Variants in PAPPA observed in about 807,000 individuals in gnomAD.
PAPPA encodes the protein pappalysin 1, also known as pappalysin-1.
A neutral mutation model predicts 164.0 loss-of-function variants in PAPPA; 60 were observed. The ratio of observed to expected loss-of-function variants is 0.37; its 90% CI spans 0.30 to 0.45. The LOEUF (loss-of-function observed/expected upper bound fraction) is 0.45. Among genes scored for constraint, PAPPA ranks in the 20% least tolerant of loss-of-function variants. The pLI is 1.00. For missense variants in PAPPA, 1,782 were observed against 2,087.3 expected (o/e 0.85, Z 2.85); for synonymous variants, 875 against 814.1 (o/e 1.07, Z -1.27).
At chr9:116,381,330 C>A (rs1410394994) in intron 20 of PAPPA, among the ~76,000 whole-genome samples, 1 of 152,176 alleles carries the variant, frequency 6.6e-6, no homozygotes, top group Non-Finnish European at 1.5e-5. Context: ...TTATTAAGAG[C>A]CAAAGTTGTG....
intron 2 of PAPPA, among the ~76,000 whole-genome samples, chr9:116,202,377 A>C (rs1488754229): frequency 2.0e-5 from 3 of 152,168 alleles, no homozygotes; most frequent in Non-Finnish European, 4.4e-5. Context: ...GAGATGCATA[A>C]AGAAAATATT....
intron 7 of PAPPA, among the ~76,000 whole-genome samples, chr9:116,237,066 T>C (rs1309319928): frequency 2.0e-5 from 3 of 152,236 alleles, no homozygotes; most frequent in Admixed American, 2.0e-4. Flanking sequence ...CTCTGCTCTG[T>C]CTACTTGAAA....
intron 21 of PAPPA, among the ~76,000 whole-genome samples, chr9:116,387,287 G>C (rs113719230): frequency 1.7e-4 from 26 of 152,300 alleles, no homozygotes; most frequent in African/African-American, 6.0e-4. Flanking sequence ...TTGGGATTTA[G>C]GATTTCCTAA....
chr9:116,349,051 A>G (rs1164209089), intron 15 of PAPPA, among the ~76,000 whole-genome samples: 1 of 151,858 alleles, frequency 6.6e-6, no homozygotes, highest in Non-Finnish European at 1.5e-5. Context: ...CCTCTCCTCT[A>G]TTTGTACCTC....
At chr9:116,345,515 T>C (rs1391093607) in intron 14 of PAPPA, among the ~76,000 whole-genome samples, 1 of 151,980 alleles carries the variant, frequency 6.6e-6, no homozygotes, top group Non-Finnish European at 1.5e-5. Context: ...GCAATGAGGC[T>C]GGAAGGGCCA....
intron 20 of PAPPA, among the ~76,000 whole-genome samples, chr9:116,379,749 A>G (rs1232453296): frequency 1.3e-5 from 2 of 152,192 alleles, no homozygotes; most frequent in African/African-American, 4.8e-5. Flanking sequence ...GCTATCACAA[A>G]ATCAAATACA....
At chr9:116,257,424 G>C in intron 7 of PAPPA, among the ~76,000 whole-genome samples, 1 of 151,972 alleles carries the variant, frequency 6.6e-6, no homozygotes, top group East Asian at 1.9e-4. Flanking sequence ...CAAAAGGCTG[G>C]GCACGGTGGC....
rs74408675 is a variant in PAPPA, at chr9:116,271,135, G to A, written c.2862-190G>A. Among the ~76,000 whole-genome samples the A allele has an allele frequency of 3.3e-5, 5 of 152,326 alleles. No individual in the cohort carries two copies. Among genetic ancestry groups the A allele is most frequent in the Middle Eastern group, 3.4e-3 (1 of 294 alleles). ...ATCAGAAACACAAAGCAAGGCAAAT[G>A]TGAAAGTATCTTATAAATCCATACC... is the stretch of plus-strand genomic sequence containing the variant. On this transcript the variant is annotated intron_variant, in intron 8 of 21. Transcript: ENST00000328252. This position sits in a 1 kb window ranked among gnomAD's most constrained non-coding sequence, Gnocchi z 4.2.
chr9:116,312,019 G>T (rs942815275), intron 10 of PAPPA, among the ~76,000 whole-genome samples: 1 of 152,198 alleles, frequency 6.6e-6, no homozygotes, highest in Non-Finnish European at 1.5e-5. Context: ...AATAAGCAAG[G>T]CTTTGTGGTT....
At chr9:116,358,460 A>G (rs998909005) in intron 17 of PAPPA, among the ~76,000 whole-genome samples, 22 of 152,238 alleles carry the variant, frequency 1.4e-4, no homozygotes, top group African/African-American at 5.3e-4. Flanking sequence ...GCTTCATTTA[A>G]GCCCCATGGC....
chr9:116,227,355 T>C, intron 5 of PAPPA, 76 bp from the exon 6 acceptor site: 1 of 1,510,774 alleles, frequency 6.6e-7, no homozygotes, highest in Non-Finnish European at 9.1e-7. Context: ...CCCCATTGAC[T>C]CTGGCCTAGT....
intron 1 of PAPPA, among the ~76,000 whole-genome samples, chr9:116,169,203 C>G (rs1843747074): frequency 6.6e-6 from 1 of 151,170 alleles, no homozygotes; most frequent in Admixed American, 6.6e-5. Context: ...TGCTTATCAT[C>G]TTTCCCTATC....
At chr9:116,301,091 C>T (rs1845574629) in intron 9 of PAPPA, among the ~76,000 whole-genome samples, 2 of 151,980 alleles carry the variant, frequency 1.3e-5, no homozygotes, top group African/African-American at 2.4e-5. Flanking sequence ...TCAGTGCCCT[C>T]TCCAGAGCTC....
chr9:116,295,825 C>T (rs1845499182), intron 9 of PAPPA, among the ~76,000 whole-genome samples: 1 of 152,188 alleles, frequency 6.6e-6, no homozygotes, highest in Non-Finnish European at 1.5e-5. Context: ...GAAGCCTTCT[C>T]TCATTTTCCC....
intron 15 of PAPPA, among the ~76,000 whole-genome samples, chr9:116,350,457 A>G (rs146014536): frequency 6.6e-5 from 10 of 152,290 alleles, no homozygotes; most frequent in Middle Eastern, 3.4e-3. Flanking sequence ...GCTGTGGTGC[A>G]CTGCTAACTT....
At position 116,402,004 on chromosome 9, in the gene PAPPA, T is replaced by G. The variant is rs1847064626; in HGVS notation, c.*5388T>G. 1 of 152,494 alleles carries G rather than the reference T, an allele frequency of 6.6e-6. No individual in the cohort carries two copies. Among genetic ancestry groups the G allele is most frequent in the Admixed American group, 6.6e-5 (1 of 15,260 alleles). 9.4% of individuals were successfully genotyped at this position (152,494 alleles called of 1,614,324 possible). On this transcript the variant is annotated 3_prime_UTR_variant, in exon 22 of 22. Coordinates refer to ENST00000328252, the MANE Select transcript of PAPPA (RefSeq NM_002581.5). Reference sequence around the variant, plus strand: ...TTTATGTGTTTTTATGGATCTAAGTTAAATCTTTTGGCAATATATAAAAAT... The same window carrying G: ...TTTATGTGTTTTTATGGATCTAAGTGAAATCTTTTGGCAATATATAAAAAT...
At chr9:116,255,046 C>T (rs1022686598) in intron 7 of PAPPA, among the ~76,000 whole-genome samples, 1 of 151,732 alleles carries the variant, frequency 6.6e-6, no homozygotes, top group African/African-American at 2.4e-5. Context: ...AACGATTGTT[C>T]TCTACCTTTC....
Position 116,275,375 on chromosome 9 carries a change from C to T in PAPPA, c.2953+3959C>T, listed in dbSNP as rs539563624. On this transcript the variant is annotated intron_variant, in intron 9 of 21. Coordinates refer to ENST00000328252, the MANE Select transcript of PAPPA (RefSeq NM_002581.5). ...AACAACCACCATTTATGGATACCCA[C>T]TAGGTGATAGGTTCTTCATACGCAT... Among the ~76,000 whole-genome samples, 12 of 152,308 alleles carry T rather than the reference C, an allele frequency of 7.9e-5. No homozygotes were observed. In the South Asian group the frequency reaches 2.5e-3, roughly 32 times the overall value.
chr9:116,338,459 A>G (rs1846092360), intron 13 of PAPPA, among the ~76,000 whole-genome samples: 1 of 152,148 alleles, frequency 6.6e-6, no homozygotes, highest in South Asian at 2.1e-4. Context: ...CAAAGACTGG[A>G]GCCAAGTATT....
Sources: gnomAD v4.1 joint callset for allele counts (sites outside exome capture counted in the v4.1 genomes callset) on GRCh38, gnomAD v4.1.1 for gene constraint, Gnocchi (gnomAD v3.1) non-coding constraint, MANE v1.5 for transcripts, NCBI Gene and HGNC (gene_info 2026-07-23, HGNC 2026-07-21) for gene names.